Variants in FHIT observed in about 807,000 individuals in gnomAD.
FHIT encodes the protein fragile histidine triad diadenosine triphosphatase.
In FHIT, 19 loss-of-function variants were observed where a neutral mutation model predicts 17.9. That is an observed-to-expected ratio of 1.06 (90% CI 0.74 to 1.56). FHIT has a LOEUF of 1.56. Among genes scored for constraint, FHIT ranks in the 40% most tolerant of loss-of-function variants. The pLI is 0.00. For missense variants in FHIT, 248 were observed against 189.2 expected, an observed-to-expected ratio of 1.31 and a Z score of -1.82; for synonymous variants, 81 against 69.7, an observed-to-expected ratio of 1.16 and a Z score of -0.81.
intron 3 of FHIT, among the ~76,000 whole-genome samples, chr3:60,882,305 A>C (rs1318145313): frequency 1.3e-5 from 2 of 152,190 alleles, no homozygotes; most frequent in Non-Finnish European, 2.9e-5. Flanking sequence ...ACATTTAAAG[A>C]AGAACTAATG....
intron 5 of FHIT, among the ~76,000 whole-genome samples, chr3:60,477,902 G>C (rs1194005242): frequency 6.6e-6 from 1 of 152,098 alleles, no homozygotes; most frequent in African/African-American, 2.4e-5. Flanking sequence ...ACGAATGAAA[G>C]GTGAATTATC....
At chr3:60,616,014 C>T (rs2038940544) in intron 4 of FHIT, among the ~76,000 whole-genome samples, 1 of 152,152 alleles carries the variant, frequency 6.6e-6, no homozygotes, top group African/African-American at 2.4e-5. Flanking sequence ...CTTTCCTTAT[C>T]GAAACTCTGA....
At chr3:60,027,760 A>G (rs1032845153) in intron 5 of FHIT, among the ~76,000 whole-genome samples, 4 of 151,630 alleles carry the variant, frequency 2.6e-5, no homozygotes, top group African/African-American at 7.3e-5. Context: ...GAAGGATAGT[A>G]TTTTGGATTT....
At chr3:60,171,033 C>A (rs1015705348) in intron 5 of FHIT, among the ~76,000 whole-genome samples, 7 of 152,178 alleles carry the variant, frequency 4.6e-5, no homozygotes, top group African/African-American at 1.2e-4. Flanking sequence ...CTATCCCCAA[C>A]AGACACTTTG....
At chr3:59,818,307 G>A (rs1174415565) in intron 8 of FHIT, among the ~76,000 whole-genome samples, 9 of 152,048 alleles carry the variant, frequency 5.9e-5, no homozygotes, top group African/African-American at 1.9e-4. Context: ...CAGCCTCCCC[G>A]AGAACACAGC....
intron 5 of FHIT, among the ~76,000 whole-genome samples, chr3:60,357,293 T>A (rs1244477118): frequency 6.6e-6 from 1 of 152,156 alleles, no homozygotes; most frequent in Non-Finnish European, 1.5e-5. Context: ...CTGCAACCTC[T>A]GCCTTCCAGG....
intron 4 of FHIT, among the ~76,000 whole-genome samples, chr3:60,817,694 T>C (rs1553738154): frequency 6.6e-6 from 1 of 152,092 alleles, no homozygotes; most frequent in African/African-American, 2.4e-5. Flanking sequence ...TCCTCACCAG[T>C]TGGAATATGA....
Position 60,014,239 on chromosome 3 carries a change from C to G in FHIT, c.104-87G>C, listed in dbSNP as rs17061789. The G allele has an allele frequency of 9.7e-6, 13 of 1,347,096 alleles. No homozygotes were observed. In the Admixed American group the frequency reaches 2.6e-4, roughly 27 times the overall value. 83.4% of individuals were successfully genotyped at this position (1,347,096 alleles called of 1,614,324 possible). The stretch of plus-strand genomic sequence containing the variant: ...TCATACCCACAGGATTGAATCCTCT[C>G]GGACCAGGGCCTGAACTCTCAAAGA... On this transcript the variant is annotated intron_variant, in intron 5 of 9. Transcript: ENST00000492590.
intron 4 of FHIT, among the ~76,000 whole-genome samples, chr3:60,558,409 G>A (rs749049693): frequency 5.3e-5 from 8 of 151,556 alleles, no homozygotes; most frequent in Non-Finnish European, 1.0e-4. Context: ...TGATGTCATG[G>A]GTGAACCAAG....
chr3:61,049,966 T>C (rs2033965411), intron 2 of FHIT, among the ~76,000 whole-genome samples: 1 of 152,000 alleles, frequency 6.6e-6, no homozygotes, highest in Non-Finnish European at 1.5e-5. Flanking sequence ...CCTTGCTAAG[T>C]TCCCTCCCCC....
At chr3:59,838,684 C>T (rs574961910) in intron 8 of FHIT, among the ~76,000 whole-genome samples, 1 of 152,288 alleles carries the variant, frequency 6.6e-6, no homozygotes, top group East Asian at 1.9e-4. Flanking sequence ...GTTGTGTAAC[C>T]CCTCTGTGTC....
intron 3 of FHIT, among the ~76,000 whole-genome samples, chr3:61,023,960 C>T (rs1001525834): frequency 2.0e-5 from 3 of 152,108 alleles, no homozygotes; most frequent in African/African-American, 7.2e-5. Context: ...ATGACTAAAA[C>T]ACCAAAAGCA....
intron 5 of FHIT, among the ~76,000 whole-genome samples, chr3:60,420,324 A>T (rs1346670210): frequency 6.6e-6 from 1 of 152,174 alleles, no homozygotes; most frequent in East Asian, 1.9e-4. Flanking sequence ...AACACAGTTC[A>T]TTCAACTAGT....
At chr3:59,979,651 A>T (rs138733468) in intron 7 of FHIT, among the ~76,000 whole-genome samples, 203 of 152,222 alleles carry the variant, frequency 1.3e-3, no homozygotes, top group Middle Eastern at 0.01. Context: ...GAACATTCCT[A>T]TCAATGGGGC....
chr3:59,827,106 T>C (rs2106686368), intron 8 of FHIT, among the ~76,000 whole-genome samples: 1 of 152,346 alleles, frequency 6.6e-6, no homozygotes, highest in African/African-American at 2.4e-5. Context: ...CTTCATGCCA[T>C]GCAGTGTCCA....
chr3:59,961,167 T>G (rs1164736785), intron 7 of FHIT, among the ~76,000 whole-genome samples: 2 of 152,148 alleles, frequency 1.3e-5, no homozygotes, highest in African/African-American at 4.8e-5. Context: ...CACTAGCTAT[T>G]AGGGCCATTT....
chr3:60,431,084 C>T (rs1307357810), intron 5 of FHIT, among the ~76,000 whole-genome samples: 5 of 151,984 alleles, frequency 3.3e-5, no homozygotes, highest in Middle Eastern at 6.8e-3. Context: ...TTGTGGTGCG[C>T]ACCTATGGTC....
chr3:60,867,550 T>A (rs1004972573), intron 3 of FHIT, among the ~76,000 whole-genome samples: 3 of 152,178 alleles, frequency 2.0e-5, no homozygotes, highest in African/African-American at 4.8e-5. Context: ...TTACAGATAC[T>A]ACTTGTTTCA....
chr3:60,782,553 T>C (rs1441145835), intron 4 of FHIT, among the ~76,000 whole-genome samples: 1 of 152,188 alleles, frequency 6.6e-6, no homozygotes, highest in Non-Finnish European at 1.5e-5. Flanking sequence ...ACAAGTTCCT[T>C]TTCTTTCGGC....
Sources: gnomAD v4.1 joint callset for allele counts (sites outside exome capture counted in the v4.1 genomes callset) on GRCh38, gnomAD v4.1.1 for gene constraint, MANE v1.5 for transcripts, NCBI Gene and HGNC (gene_info 2026-07-23, HGNC 2026-07-21) for gene names.